The following TSPAN5 variants were observed in gnomAD, a reference collection of about 807,000 sequenced individuals.
TSPAN5 encodes the protein tetraspanin 5.
TSPAN5 carries 10 observed loss-of-function variants against 37.1 expected under a neutral mutation model. The observed-to-expected ratio is 0.27, with a 90% CI of 0.17 to 0.46. TSPAN5 has a LOEUF of 0.46. Ranked by LOEUF, TSPAN5 falls within the 20% of genes least tolerant of loss-of-function variation. TSPAN5 has a pLI of 1.00. For synonymous variants in TSPAN5, 110 were observed against 118.9 expected (o/e 0.93, Z 0.48); for missense variants, 195 against 326.6 (o/e 0.60, Z 3.11).
At chr4:98,627,043 A>G (rs1316032260) in intron 1 of TSPAN5, among the ~76,000 whole-genome samples, 1 of 152,126 alleles carries the variant, frequency 6.6e-6, no homozygotes, top group Non-Finnish European at 1.5e-5. Context: ...TGTAAGAGAG[A>G]GCAACCAGCT....
chr4:98,626,752 T>A (rs1221701461), intron 1 of TSPAN5, among the ~76,000 whole-genome samples: 2 of 152,158 alleles, frequency 1.3e-5, no homozygotes, highest in East Asian at 1.9e-4. Flanking sequence ...AACCTGCCCA[T>A]CCCTTTTCCT....
intron 1 of TSPAN5, among the ~76,000 whole-genome samples, chr4:98,589,114 T>C (rs1374743104): frequency 2.0e-5 from 3 of 152,120 alleles, no homozygotes; most frequent in East Asian, 1.9e-4. Context: ...ACCTTCCTCT[T>C]TGATGCTCTC....
At chr4:98,556,338 T>A (rs779945615) in intron 1 of TSPAN5, among the ~76,000 whole-genome samples, 24 of 152,168 alleles carry the variant, frequency 1.6e-4, no homozygotes, top group Non-Finnish European at 3.5e-4. Context: ...TCAAACTTGC[T>A]CTGATGATAA....
At chr4:98,624,671 G>T (rs879337949) in intron 1 of TSPAN5, among the ~76,000 whole-genome samples, 10 of 152,188 alleles carry the variant, frequency 6.6e-5, no homozygotes, top group Non-Finnish European at 1.5e-4. Context: ...CTAGTTCAGA[G>T]AATCAGTATG....
intron 1 of TSPAN5, among the ~76,000 whole-genome samples, chr4:98,539,279 T>C (rs1754306444): frequency 6.6e-6 from 1 of 152,218 alleles, no homozygotes; most frequent in Admixed American, 6.5e-5. Context: ...TATTTGCATC[T>C]AAAAGCAGAA....
chr4:98,520,779 A>G (rs1471418085), intron 1 of TSPAN5, among the ~76,000 whole-genome samples: 1 of 152,250 alleles, frequency 6.6e-6, no homozygotes, highest in Non-Finnish European at 1.5e-5. Flanking sequence ...TTAAAATAAC[A>G]GAGATATAAC....
chr4:98,484,033 A>G (rs1024145073), intron 3 of TSPAN5: 1 of 190,812 alleles, frequency 5.2e-6, no homozygotes, highest in Non-Finnish European at 1.1e-5. Context: ...CAAGTCAGGG[A>G]AAGATTTTAA....
At chr4:98,516,017 G>A (rs1159794423) in intron 1 of TSPAN5, among the ~76,000 whole-genome samples, 1 of 152,130 alleles carries the variant, frequency 6.6e-6, no homozygotes, top group African/African-American at 2.4e-5. Flanking sequence ...CCTGGTTTTT[G>A]CATGATATCC....
At chr4:98,526,021 C>T (rs1017858303) in intron 1 of TSPAN5, among the ~76,000 whole-genome samples, 5 of 152,094 alleles carry the variant, frequency 3.3e-5, no homozygotes, top group Non-Finnish European at 2.9e-5. Flanking sequence ...TACAGATCAC[C>T]GTGTACATAC....
At chr4:98,631,607 G>A (rs1301858445) in intron 1 of TSPAN5, among the ~76,000 whole-genome samples, 1 of 152,142 alleles carries the variant, frequency 6.6e-6, no homozygotes, top group Non-Finnish European at 1.5e-5. Context: ...TCCAACTGCT[G>A]CTAGGAAGCC....
At position 98,472,445 on chromosome 4, in the gene TSPAN5, C is replaced by T. The variant is rs561112441; in HGVS notation, c.*77G>A. The T allele has an allele frequency of 1.9e-5, 25 of 1,342,206 alleles. No homozygotes were observed. The Admixed American group carries it at 1.9e-4, about 10-fold the overall frequency. The allele number at this position is 1,342,206 out of a possible 1,614,324, so 83.1% of individuals were successfully genotyped here. A position where few individuals can be genotyped will look rare whatever the true frequency, so the allele number is the denominator to read the frequency against. On this transcript the variant is annotated 3_prime_UTR_variant, in exon 8 of 8. Transcript: ENST00000305798. ...CATCTGTGATTAGGTCCATGCAGCTCGAAGATCAGTTCGGCACGCGGGAGG... is the reference window on the plus strand; with the variant it reads ...CATCTGTGATTAGGTCCATGCAGCTTGAAGATCAGTTCGGCACGCGGGAGG...
At chr4:98,600,004 T>C (rs985788444) in intron 1 of TSPAN5, among the ~76,000 whole-genome samples, 1 of 152,216 alleles carries the variant, frequency 6.6e-6, no homozygotes, top group African/African-American at 2.4e-5. Context: ...GGTTCCATTC[T>C]AGACCACAGT....
intron 1 of TSPAN5, among the ~76,000 whole-genome samples, chr4:98,617,629 C>G (rs937915327): frequency 6.6e-6 from 1 of 152,196 alleles, no homozygotes. Flanking sequence ...CTGCAAGGCA[C>G]AGTAGCTGAC....
intron 1 of TSPAN5, among the ~76,000 whole-genome samples, chr4:98,585,243 G>A (rs1456019817): frequency 6.6e-6 from 1 of 152,160 alleles, no homozygotes; most frequent in Non-Finnish European, 1.5e-5. Context: ...GGTGAACACT[G>A]TAACAAACAA....
intron 1 of TSPAN5, among the ~76,000 whole-genome samples, chr4:98,591,075 T>G (rs552230854): frequency 0.026 from 3,930 of 150,472 alleles, 97 homozygotes; most frequent in African/African-American, 0.07. Flanking sequence ...TTTTGTTTTT[T>G]TGTTTTTTTT....
intron 4 of TSPAN5, 47 bp downstream of exon 4, chr4:98,481,958 A>C: frequency 6.3e-7 from 1 of 1,593,276 alleles, no homozygotes; most frequent in South Asian, 1.1e-5. Context: ...CACTGGGGTC[A>C]TCGTTCAGAG....
At position 98,562,661 on chromosome 4, in the gene TSPAN5, AAAAAC is replaced by A. The variant is rs371373013; in HGVS notation, c.82-54938_82-54934del. 5.3e-3 allele frequency among the ~76,000 whole-genome samples: 805 copies of A among 151,128 alleles called. 4 individuals are homozygous for A. Among genetic ancestry groups the A allele is most frequent in the South Asian group, 0.025 (117 of 4,732 alleles). On this transcript the variant is annotated intron_variant, in intron 1 of 7. Transcript: ENST00000305798. ...GGCAACACAGCGAGACTCTGTCTCA[AAAAAC>A]AAAACAAAACAAAACAAAACAAAAC...
intron 1 of TSPAN5, among the ~76,000 whole-genome samples, chr4:98,529,171 C>G (rs1754025691): frequency 6.6e-6 from 1 of 152,228 alleles, no homozygotes; most frequent in Non-Finnish European, 1.5e-5. Context: ...GCAGGTCTGC[C>G]CTTACATCCA....
At chr4:98,485,852 T>C (rs1206037662) in intron 3 of TSPAN5, among the ~76,000 whole-genome samples, 1 of 150,854 alleles carries the variant, frequency 6.6e-6, no homozygotes. Context: ...ACAGGAAATA[T>C]TACACTACAA....
Sources: allele counts gnomAD v4.1 joint callset (sites outside exome capture counted in the v4.1 genomes callset), GRCh38; gene constraint gnomAD v4.1.1; transcripts MANE v1.5; gene names NCBI Gene and HGNC (gene_info 2026-07-23, HGNC 2026-07-21).